Variants in UPF2 observed in about 807,000 individuals in gnomAD.
UPF2 encodes UPF2 regulator of nonsense mediated mRNA decay.
Under a neutral mutation model 141.4 loss-of-function variants are expected in UPF2, and 17 were observed. The ratio of observed to expected loss-of-function variants is 0.12; its 90% CI spans 0.08 to 0.18. The LOEUF (loss-of-function observed/expected upper bound fraction) is 0.18. UPF2 is among the 10% of genes least tolerant of loss of function. UPF2 has a pLI of 1.00. For synonymous variants in UPF2, 540 were observed against 498.0 expected (o/e 1.08, Z -1.12); for missense variants, 1,152 against 1,515.9 (o/e 0.76, Z 3.99).
chr10:12,013,097 C>A (rs1834159817), intron 4 of UPF2, among the ~76,000 whole-genome samples: 1 of 149,524 alleles, frequency 6.7e-6, no homozygotes, highest in Admixed American at 6.7e-5. Flanking sequence ...TGCACTCCAG[C>A]CTGAGCGACA....
Position 12,001,747 on chromosome 10 carries a change from T to C in UPF2, c.1583A>G (p.Asn528Ser). Reference protein sequence around the residue: ...LELELENLEINDDTLELEGGD... With the variant: ...LELELENLEISDDTLELEGGD... ...ACCCTCTAATTCTAAGGTGTCATCATTAATTTCTAGATTCTCCAACTCAAG... is the reference window on the plus strand; with the variant it reads ...ACCCTCTAATTCTAAGGTGTCATCACTAATTTCTAGATTCTCCAACTCAAG... Residue 528 changes from asparagine to serine, a missense_variant, in exon 6 of 22, where the codon AAT becomes AGT. This residue lies in a region of UPF2 where 739 missense variants were observed against 1,032.2 expected (regional missense o/e 0.72). Transcript: ENST00000357604. The C allele has an allele frequency of 6.2e-7, 1 of 1,613,314 alleles. No homozygotes were observed. Among genetic ancestry groups the C allele is most frequent in the Non-Finnish European group, 8.5e-7 (1 of 1,179,768 alleles).
At chr10:11,973,083 G>T (rs923059933) in intron 9 of UPF2, among the ~76,000 whole-genome samples, 4 of 152,150 alleles carry the variant, frequency 2.6e-5, no homozygotes, top group African/African-American at 9.7e-5. Flanking sequence ...ATTCTAACTG[G>T]TGTGAGATGG....
rs148169294 is a variant in UPF2 at position 11,965,621 on chromosome 10, G to A, written c.2068-1496C>T. 8.9e-3 allele frequency among the ~76,000 whole-genome samples: 1,351 copies of A among 152,052 alleles called. 26 individuals carry two copies. Among genetic ancestry groups the A allele is most frequent in the African/African-American group, 0.031 (1,273 of 41,466 alleles). ...ACTACAGGTGCCTGCCACCACTCCC[G>A]GCTAATTTTTTGTATGTTTAGTAGA... On this transcript the variant is annotated intron_variant, in intron 10 of 21. Coordinates refer to ENST00000357604, the MANE Select transcript of UPF2 (RefSeq NM_015542.4).
At chr10:11,925,396 G>T (rs1396096013) in intron 21 of UPF2, among the ~76,000 whole-genome samples, 1 of 152,212 alleles carries the variant, frequency 6.6e-6, no homozygotes, top group East Asian at 1.9e-4. Context: ...AAAACAGAGG[G>T]AAGAGCTAGG....
At chr10:12,041,749 A>T (rs1458233678) in intron 1 of UPF2, among the ~76,000 whole-genome samples, 17 of 152,236 alleles carry the variant, frequency 1.1e-4, no homozygotes, top group Admixed American at 1.1e-3. Context: ...TAAAGGACGT[A>T]TTAAGAACTG....
At chr10:12,009,839 G>A (rs558389135) in intron 4 of UPF2, among the ~76,000 whole-genome samples, 19 of 152,306 alleles carry the variant, frequency 1.2e-4, no homozygotes, top group African/African-American at 4.6e-4. Flanking sequence ...ACATTCAGCT[G>A]AGTACTGATC....
intron 21 of UPF2, among the ~76,000 whole-genome samples, chr10:11,927,610 G>T: frequency 6.6e-6 from 1 of 152,088 alleles, no homozygotes; most frequent in South Asian, 2.1e-4. Flanking sequence ...AATAAAACAG[G>T]CTTAATTAAA....
At chr10:12,010,495 A>T (rs1834108565) in intron 4 of UPF2, among the ~76,000 whole-genome samples, 1 of 152,258 alleles carries the variant, frequency 6.6e-6, no homozygotes, top group East Asian at 1.9e-4. Flanking sequence ...AGAAGAAAAG[A>T]TTAGTGAACT....
chr10:12,020,139 A>C (rs542630212), intron 3 of UPF2, among the ~76,000 whole-genome samples: 1 of 152,240 alleles, frequency 6.6e-6, no homozygotes, highest in South Asian at 2.1e-4. Context: ...AAAAAATTCT[A>C]ATATTAAGAG....
chr10:11,972,082 A>C (rs1043394018), intron 9 of UPF2, among the ~76,000 whole-genome samples: 20 of 146,392 alleles, frequency 1.4e-4, no homozygotes, highest in East Asian at 1.2e-3. Flanking sequence ...AAAAAAAAAA[A>C]CACACAAAAA....
At chr10:11,999,231 C>T (rs1377290425) in intron 7 of UPF2, among the ~76,000 whole-genome samples, 2 of 151,864 alleles carry the variant, frequency 1.3e-5, no homozygotes, top group South Asian at 2.1e-4. Flanking sequence ...AAAAAAACAT[C>T]GGCCGGGTAT....
At chr10:12,041,092 C>T (rs1447787474) in intron 1 of UPF2, among the ~76,000 whole-genome samples, 1 of 152,194 alleles carries the variant, frequency 6.6e-6, no homozygotes, top group African/African-American at 2.4e-5. Context: ...CGTGATTCAC[C>T]TCAATACACG....
rs1013731877 is a variant in UPF2, at chr10:11,966,667, A to G, written c.2067+674T>C. ...TCGAACTCCCGATCTCAGGTGATCC[A>G]CCTGCCTCAGCCTCCCAAAGTGCTG... is the stretch of plus-strand genomic sequence containing the variant. On this transcript the variant is annotated intron_variant, in intron 10 of 21. Coordinates refer to ENST00000357604, the MANE Select transcript of UPF2 (RefSeq NM_015542.4). Among the ~76,000 whole-genome samples, 235 of 152,242 alleles carry G rather than the reference A, an allele frequency of 1.5e-3. 1 individual carries two copies. The highest frequency in any genetic ancestry group is 5.2e-3 in the African/African-American group (217 of 41,534).
chr10:11,962,045 T>G (rs1833249367), intron 11 of UPF2, among the ~76,000 whole-genome samples: 1 of 152,158 alleles, frequency 6.6e-6, no homozygotes, highest in Non-Finnish European at 1.5e-5. Flanking sequence ...AGCTAGAGAT[T>G]TAATGACCAC....
rs146205707 is a variant in UPF2 at position 11,986,529 on chromosome 10, A to T, written c.1845-7364T>A. Among the ~76,000 whole-genome samples the T allele has an allele frequency of 3.4e-3, 517 of 152,282 alleles. 1 individual carries two copies. Among genetic ancestry groups the T allele is most frequent in the African/African-American group, 0.012 (496 of 41,564 alleles). ...GTCTAGCTCTCTTTTTCTCTTTAAA[A>T]TCTGAAGAATTTGACTGTTGAAAGC... is the stretch of plus-strand genomic sequence containing the variant. On this transcript the variant is annotated intron_variant, in intron 8 of 21. Transcript: ENST00000357604.
chr10:12,007,368 T>C (rs1476529576), intron 4 of UPF2, among the ~76,000 whole-genome samples: 2 of 152,172 alleles, frequency 1.3e-5, no homozygotes, highest in Non-Finnish European at 2.9e-5. Flanking sequence ...TAATCTATAA[T>C]ATGCATAAAT....
chr10:11,967,966 G>C (rs537483936), intron 9 of UPF2, among the ~76,000 whole-genome samples: 13 of 152,294 alleles, frequency 8.5e-5, no homozygotes, highest in African/African-American at 3.1e-4. Context: ...CGGATCACGA[G>C]GTCAGGAGTT....
chr10:12,035,408 T>TA lies in UPF2; in HGVS notation c.15dup (p.Lys6Ter). 6.3e-7 allele frequency: 1 copy of TA among 1,582,856 alleles called. No homozygotes were observed. The highest frequency in any genetic ancestry group is 8.5e-7 in the Non-Finnish European group (1 of 1,169,646). ...TTTTCTTCCATACTTGCTGGCTTTT[T>TA]ACGCTCAGCTGGCATTATGTGACCC... On this transcript the variant is annotated frameshift_variant, in exon 2 of 22. Coordinates refer to ENST00000357604, the MANE Select transcript of UPF2 (RefSeq NM_015542.4). LOFTEE classifies it high-confidence loss of function.
rs1344068739 is a variant in UPF2, at chr10:11,921,575, G to C, written c.3810-268C>G. On this transcript the variant is annotated intron_variant, in intron 21 of 21. Coordinates refer to ENST00000357604, the MANE Select transcript of UPF2 (RefSeq NM_015542.4). The surrounding 1 kb of genome is among the most constrained non-coding windows in gnomAD (Gnocchi z 5.9). The stretch of plus-strand genomic sequence containing the variant: ...TTTATTAGGTATTACAAGTAATGTA[G>C]AGATGATGTAAAGTACACGGGAGGA... Among the ~76,000 whole-genome samples the C allele has an allele frequency of 6.6e-6, 1 of 152,220 alleles. No individual in the cohort carries two copies. Among genetic ancestry groups the C allele is most frequent in the Non-Finnish European group, 1.5e-5 (1 of 68,044 alleles).
Sources: gnomAD v4.1 joint callset for allele counts (sites outside exome capture counted in the v4.1 genomes callset) on GRCh38, gnomAD v4.1.1 for gene constraint, gnomAD v4.1.1 regional missense constraint, Gnocchi (gnomAD v3.1) non-coding constraint, MANE v1.5 for transcripts, NCBI Gene and HGNC (gene_info 2026-07-23, HGNC 2026-07-21) for gene names.